ZFAT: variants seen among roughly 807,000 people sequenced by gnomAD.
The protein encoded by ZFAT is zinc finger and AT-hook domain containing.
A neutral mutation model predicts 117.7 loss-of-function variants in ZFAT; 64 were observed. That is an observed-to-expected ratio of 0.54 (90% CI 0.44 to 0.67). The LOEUF is 0.67. Ranked by LOEUF, ZFAT falls within the 30% of genes least tolerant of loss-of-function variation. The probability of loss-of-function intolerance (pLI) is 0.00; values close to 1 mark genes in which losing one functional copy is unlikely to be tolerated. For synonymous variants in ZFAT, 679 were observed against 615.0 expected (o/e 1.10, Z -1.54); for missense variants, 1,433 against 1,584.5 (o/e 0.90, Z 1.62).
chr8:134,829,975 C>A, the ZFAT span, among the ~76,000 whole-genome samples: 1 of 152,124 alleles, frequency 6.6e-6, no homozygotes, highest in Non-Finnish European at 1.5e-5. Flanking sequence ...AATAAACGCT[C>A]GATAAAAATG....
At chr8:134,522,477 C>A (rs1425703890) in intron 12 of ZFAT, among the ~76,000 whole-genome samples, 1 of 152,244 alleles carries the variant, frequency 6.6e-6, no homozygotes. Context: ...CTTTCACTAT[C>A]ATTATTCTTC....
chr8:134,618,490 C>T (rs556699186), intron 3 of ZFAT, among the ~76,000 whole-genome samples: 34 of 152,248 alleles, frequency 2.2e-4, no homozygotes, highest in African/African-American at 4.6e-4. Flanking sequence ...GCCAGGTCAA[C>T]GTTGGGTCTG....
chr8:134,519,945 T>C (rs1820528511), intron 13 of ZFAT, among the ~76,000 whole-genome samples: 1 of 152,252 alleles, frequency 6.6e-6, no homozygotes, highest in Non-Finnish European at 1.5e-5. Context: ...CATATTATAA[T>C]GGATGTTAAC....
At chr8:134,796,840 TTTTAG>T in the ZFAT span, 2 of 152,182 alleles carry the variant, frequency 1.3e-5, no homozygotes, top group Non-Finnish European at 2.9e-5. Flanking sequence ...TTGCTTAATG[TTTTAG>T]TTTAATCTGA....
chr8:134,823,418 T>G, the ZFAT span, among the ~76,000 whole-genome samples: 1 of 152,248 alleles, frequency 6.6e-6, no homozygotes, highest in Non-Finnish European at 1.5e-5. Flanking sequence ...GAGTATTTTC[T>G]GTATGTCAGG....
At chr8:134,489,967 T>C (rs4612297) in intron 15 of ZFAT, among the ~76,000 whole-genome samples, 76,589 of 152,030 alleles carry the variant, frequency 0.5, 19,727 homozygotes, top group African/African-American at 0.61. Flanking sequence ...ATTCTGCTCT[T>C]ACACACACTC....
At chr8:134,737,290 G>GAAAAAAAAA in the ZFAT span, among the ~76,000 whole-genome samples, 1 of 138,800 alleles carries the variant, frequency 7.2e-6, no homozygotes, top group Non-Finnish European at 1.6e-5. Flanking sequence ...CAAAAAAAAT[G>GAAAAAAAAA]AAAATAAAAA....
chr8:134,746,134 T>G, the ZFAT span, among the ~76,000 whole-genome samples: 1 of 152,210 alleles, frequency 6.6e-6, no homozygotes. Flanking sequence ...TTGCAGTACA[T>G]TGAAAAAGCA....
chr8:134,814,468 T>C, the ZFAT span, among the ~76,000 whole-genome samples: 1 of 152,252 alleles, frequency 6.6e-6, no homozygotes, highest in Non-Finnish European at 1.5e-5. Context: ...TCAAGATAGG[T>C]AGGTCTTACT....
At position 134,602,141 on chromosome 8, in the gene ZFAT, C is replaced by G. The variant is rs1330912558; in HGVS notation, c.1578G>C (p.Gln526His). 1 of 1,613,234 alleles carries G rather than the reference C, an allele frequency of 6.2e-7. No homozygotes were observed. Among genetic ancestry groups the G allele is most frequent in the Non-Finnish European group, 8.5e-7 (1 of 1,179,902 alleles). The change falls in exon 6 of 16, where the codon CAG becomes CAC. Residue 526 changes from glutamine (Q) to histidine (H), a missense_variant. Physicochemically the swap from Gln to His is conservative, Grantham distance 24. Coordinates refer to ENST00000377838, the MANE Select transcript of ZFAT (RefSeq NM_020863.4). Reference protein sequence around the residue: ...LQLVEEEFALQGVNALKEEAC... With the variant: ...LQLVEEEFALHGVNALKEEAC... ...CCTCTTCCTTGAGTGCATTCACGCC[C>G]TGGAGGGCAAACTCCTCTTCCACCA...
At chr8:134,607,450 C>A (rs927244955) in intron 5 of ZFAT, among the ~76,000 whole-genome samples, 14 of 152,214 alleles carry the variant, frequency 9.2e-5, no homozygotes, top group African/African-American at 3.1e-4. Context: ...AACTAAAATT[C>A]TATTAGACAG....
intron 7 of ZFAT, 50 bp downstream of exon 7, chr8:134,600,385 AG>A: frequency 6.6e-7 from 1 of 1,505,300 alleles, no homozygotes; most frequent in Non-Finnish European, 9.3e-7. Flanking sequence ...AACTTGAGAA[AG>A]CAATGAGCAC....
rs1825262251 is a variant in ZFAT at position 134,575,882 on chromosome 8, G to T, written c.2887+7950C>A. Among the ~76,000 whole-genome samples the T allele has an allele frequency of 2.0e-5, 3 of 152,210 alleles. No homozygotes were observed. In the South Asian group the frequency reaches 6.2e-4, roughly 32 times the overall value. Reference sequence around the variant, plus strand: ...GATTTATGCAGTGGCAAATCGAACAGAAATAGCTACAGCAATAAAAATACA... The same window carrying T: ...GATTTATGCAGTGGCAAATCGAACATAAATAGCTACAGCAATAAAAATACA... On this transcript the variant is annotated intron_variant, in intron 10 of 15. Coordinates refer to ENST00000377838, the MANE Select transcript of ZFAT (RefSeq NM_020863.4).
At chr8:134,821,506 T>C in the ZFAT span, among the ~76,000 whole-genome samples, 3 of 150,898 alleles carry the variant, frequency 2.0e-5, no homozygotes, top group Admixed American at 6.6e-5. Flanking sequence ...TAGAGCGATA[T>C]AGATGGGGAA....
intron 15 of ZFAT, among the ~76,000 whole-genome samples, chr8:134,487,659 C>A (rs528495264): frequency 1.3e-5 from 2 of 152,228 alleles, no homozygotes; most frequent in African/African-American, 4.8e-5. Flanking sequence ...CATGCCCTCT[C>A]GCCTCTGAAC....
At chr8:134,499,952 G>A (rs547122054) in intron 15 of ZFAT, among the ~76,000 whole-genome samples, 5 of 152,332 alleles carry the variant, frequency 3.3e-5, no homozygotes, top group Non-Finnish European at 5.9e-5. Flanking sequence ...AAGAGTTCTT[G>A]TTTCCGGGAA....
At chr8:134,547,402 C>A (rs535671966) in intron 11 of ZFAT, among the ~76,000 whole-genome samples, 1 of 152,300 alleles carries the variant, frequency 6.6e-6, no homozygotes, top group East Asian at 1.9e-4. Context: ...GTTTTCACAG[C>A]AGCAATTCCA....
chr8:134,575,586 A>G (rs953534429), intron 10 of ZFAT, among the ~76,000 whole-genome samples: 1 of 152,170 alleles, frequency 6.6e-6, no homozygotes, highest in African/African-American at 2.4e-5. Flanking sequence ...ACTTTGTGGT[A>G]ATTTGTTACA....
At chr8:134,682,493 A>G (rs1833117551) in intron 1 of ZFAT, among the ~76,000 whole-genome samples, 1 of 152,098 alleles carries the variant, frequency 6.6e-6, no homozygotes, top group Admixed American at 6.5e-5. Flanking sequence ...GTCTCTATCA[A>G]AAATACAAAA....
Sources: allele counts gnomAD v4.1 joint callset (sites outside exome capture counted in the v4.1 genomes callset), GRCh38; gene constraint gnomAD v4.1.1; transcripts MANE v1.5; gene names NCBI Gene and HGNC (gene_info 2026-07-23, HGNC 2026-07-21).